ANGPT1: variants seen among roughly 807,000 people sequenced by gnomAD.
ANGPT1 encodes angiopoietin-1.
ANGPT1 carries 17 observed loss-of-function variants against 62.2 expected under a neutral mutation model. That is an observed-to-expected ratio of 0.27 (90% CI 0.19 to 0.41). The LOEUF (loss-of-function observed/expected upper bound fraction) is 0.41. ANGPT1 is among the 10% of genes least tolerant of loss of function. The pLI is 1.00. For missense variants in ANGPT1, 478 were observed against 594.9 expected, an observed-to-expected ratio of 0.80 and a Z score of 2.04; for synonymous variants, 199 against 198.9, an observed-to-expected ratio of 1.00 and a Z score of 0.00.
At chr8:107,293,813 A>C (rs758844458) in intron 6 of ANGPT1, 123 bp downstream of exon 6, 1 of 666,096 alleles carries the variant, frequency 1.5e-6, no homozygotes, top group Non-Finnish European at 2.5e-6. Context: ...AATAATACTA[A>C]TGTATCATTT....
chr8:107,266,346 C>T (rs1025876538), intron 7 of ANGPT1, among the ~76,000 whole-genome samples: 3 of 152,098 alleles, frequency 2.0e-5, no homozygotes, highest in Non-Finnish European at 4.4e-5. Context: ...CACACATTGG[C>T]AAAACTAACA....
intron 1 of ANGPT1, among the ~76,000 whole-genome samples, chr8:107,449,353 T>C (rs746332072): frequency 1.7e-4 from 25 of 151,474 alleles, no homozygotes; most frequent in Non-Finnish European, 3.4e-4. Context: ...TTACTGACTT[T>C]ATAAACCCCT....
At chr8:107,306,780 T>C (rs1430661051) in intron 4 of ANGPT1, among the ~76,000 whole-genome samples, 1 of 152,010 alleles carries the variant, frequency 6.6e-6, no homozygotes, top group Non-Finnish European at 1.5e-5. Flanking sequence ...GAGCAGTGGC[T>C]CACCCTGTAA....
intron 1 of ANGPT1, among the ~76,000 whole-genome samples, chr8:107,464,586 T>C (rs532548339): frequency 4.6e-5 from 7 of 152,202 alleles, no homozygotes; most frequent in African/African-American, 1.4e-4. Context: ...CATAAGGTAA[T>C]TGTCAAGAGC....
In ANGPT1 at chr8:107,388,533, C is replaced by T. The variant is rs766650850; in HGVS notation, c.298-41436G>A. 6.2e-4 allele frequency among the ~76,000 whole-genome samples: 95 copies of T among 152,094 alleles called. 1 individual carries two copies. The highest frequency in any genetic ancestry group is 1.1e-3 in the Non-Finnish European group (78 of 68,020). Reference sequence around the variant, plus strand: ...TTGTAAACAGAAGCTTATTCTGAGCCATCCTTCTCAAAACATCTTAGCTCG... The same window carrying T: ...TTGTAAACAGAAGCTTATTCTGAGCTATCCTTCTCAAAACATCTTAGCTCG... On this transcript the variant is annotated intron_variant, in intron 1 of 8. Coordinates refer to ENST00000517746, the MANE Select transcript of ANGPT1 (RefSeq NM_001146.5).
chr8:107,455,290 C>A (rs536806155), intron 1 of ANGPT1, among the ~76,000 whole-genome samples: 2 of 152,132 alleles, frequency 1.3e-5, no homozygotes, highest in African/African-American at 2.4e-5. Context: ...TTAGCAACTT[C>A]TTTGGTTTAA....
chr8:107,370,470 C>A (rs1367683208), intron 1 of ANGPT1, among the ~76,000 whole-genome samples: 1 of 151,330 alleles, frequency 6.6e-6, no homozygotes, highest in Admixed American at 6.6e-5. Flanking sequence ...GTGTGCAGAT[C>A]ATGAGGTCAG....
intron 1 of ANGPT1, among the ~76,000 whole-genome samples, chr8:107,472,729 C>T (rs988095371): frequency 6.6e-6 from 1 of 151,844 alleles, no homozygotes; most frequent in Non-Finnish European, 1.5e-5. Flanking sequence ...GCTCAATAAA[C>T]ACCTATAATC....
At chr8:107,340,338 CAT>C (rs1207731643) in intron 2 of ANGPT1, among the ~76,000 whole-genome samples, 1 of 151,974 alleles carries the variant, frequency 6.6e-6, no homozygotes, top group African/African-American at 2.4e-5. Context: ...GTAAGAGAGA[CAT>C]AAAACCTGAA....
chr8:107,298,132 C>T (rs1586199139), intron 5 of ANGPT1, among the ~76,000 whole-genome samples: 2 of 151,864 alleles, frequency 1.3e-5, no homozygotes. Flanking sequence ...AAGCATTAAA[C>T]ACCTTTTAAC....
intron 3 of ANGPT1, 88 bp downstream of exon 3, chr8:107,336,062 T>G: frequency 6.1e-6 from 8 of 1,321,618 alleles, no homozygotes; most frequent in Non-Finnish European, 7.9e-6. Flanking sequence ...GTAAACCACC[T>G]CAACCTTATT....
intron 4 of ANGPT1, among the ~76,000 whole-genome samples, chr8:107,317,780 G>GCTCA (rs1815054076): frequency 1.3e-5 from 2 of 151,938 alleles, no homozygotes; most frequent in Non-Finnish European, 2.9e-5. Context: ...ACAGGCATGT[G>GCTCA]CCACCATGCC....
At chr8:107,292,982 T>C (rs1814314929) in intron 6 of ANGPT1, among the ~76,000 whole-genome samples, 1 of 152,196 alleles carries the variant, frequency 6.6e-6, no homozygotes, top group Non-Finnish European at 1.5e-5. Context: ...TAGATTCTCC[T>C]GCATTACTAT....
intron 6 of ANGPT1, 24 bp from the exon 7 acceptor site, chr8:107,284,872 G>A (rs750393558): frequency 1.3e-6 from 2 of 1,504,818 alleles, no homozygotes; most frequent in Non-Finnish European, 1.8e-6. Flanking sequence ...TAGAGATGCA[G>A]TTGTTACTTT....
intron 7 of ANGPT1, among the ~76,000 whole-genome samples, chr8:107,279,075 T>C (rs1432322841): frequency 1.3e-5 from 2 of 152,224 alleles, no homozygotes; most frequent in African/African-American, 2.4e-5. Context: ...CCAGTGGACA[T>C]AGCATCTCCT....
chr8:107,312,007 T>C (rs1814879565), intron 4 of ANGPT1, among the ~76,000 whole-genome samples: 1 of 141,234 alleles, frequency 7.1e-6, no homozygotes, highest in African/African-American at 2.7e-5. Context: ...GAGCTTGCAG[T>C]GAGCAGAGAT....
At chr8:107,406,191 A>G (rs1023573600) in intron 1 of ANGPT1, among the ~76,000 whole-genome samples, 1 of 151,852 alleles carries the variant, frequency 6.6e-6, no homozygotes, top group Non-Finnish European at 1.5e-5. Context: ...TCCCCATTAA[A>G]TTTCTTCATC....
intron 1 of ANGPT1, among the ~76,000 whole-genome samples, chr8:107,423,093 G>A (rs1434037078): frequency 1.3e-5 from 2 of 152,142 alleles, no homozygotes; most frequent in Non-Finnish European, 2.9e-5. Context: ...AGCTGTATGT[G>A]CACATCTCTT....
chr8:107,367,133 A>C (rs117717148), intron 1 of ANGPT1, among the ~76,000 whole-genome samples: 163 of 152,332 alleles, frequency 1.1e-3, no homozygotes, highest in Non-Finnish European at 2.0e-3. Context: ...TTTAAGCTAC[A>C]TGAATACTTT....
Sources: gnomAD v4.1 joint callset for allele counts (sites outside exome capture counted in the v4.1 genomes callset) on GRCh38, gnomAD v4.1.1 for gene constraint, MANE v1.5 for transcripts, NCBI Gene and HGNC (gene_info 2026-07-23, HGNC 2026-07-21) for gene names.